C1orf21: variants seen among roughly 807,000 people sequenced by gnomAD.
C1orf21 encodes the protein uncharacterized protein C1orf21.
A neutral mutation model predicts 18.7 loss-of-function variants in C1orf21; 3 were observed. The observed-to-expected ratio is 0.16, with a 90% CI of 0.07 to 0.42. C1orf21 has a LOEUF of 0.42. Among genes scored for constraint, C1orf21 ranks in the 10% least tolerant of loss-of-function variants. C1orf21 has a pLI of 0.99. For missense variants in C1orf21, 104 were observed against 143.6 expected (o/e 0.72, Z 1.41); for synonymous variants, 41 against 46.4 (o/e 0.88, Z 0.47).
At chr1:184,439,493 T>A (rs943564144) in intron 1 of C1orf21, among the ~76,000 whole-genome samples, 2 of 150,808 alleles carry the variant, frequency 1.3e-5, no homozygotes, top group Non-Finnish European at 3.0e-5. Flanking sequence ...GGAGCCTTTT[T>A]AAATCTACAC....
At chr1:184,561,503 C>A (rs990281339) in intron 3 of C1orf21, among the ~76,000 whole-genome samples, 10 of 152,104 alleles carry the variant, frequency 6.6e-5, no homozygotes, top group Non-Finnish European at 1.5e-4. Flanking sequence ...GTGCCTTAGC[C>A]CCAGTACCTC....
At chr1:184,565,327 A>G (rs1659020709) in intron 3 of C1orf21, among the ~76,000 whole-genome samples, 1 of 152,238 alleles carries the variant, frequency 6.6e-6, no homozygotes, top group South Asian at 2.1e-4. Flanking sequence ...TGATATAATA[A>G]TAGTGTTTTA....
rs112066608 is a variant in C1orf21, at chr1:184,464,490, G to A, written c.-124-12896G>A. ...GTGCAGAAGAAAAAGACAGTCCCCT[G>A]CTCACCATTTTCAAGAGGATTTGTT... On this transcript the variant is annotated intron_variant, in intron 1 of 5. Coordinates refer to ENST00000235307, the MANE Select transcript of C1orf21 (RefSeq NM_030806.4). Among the ~76,000 whole-genome samples the A allele has an allele frequency of 1.1e-3, 167 of 152,334 alleles. 2 individuals carry two copies. Among genetic ancestry groups the A allele is most frequent in the African/African-American group, 4.0e-3 (165 of 41,574 alleles).
rs140488560 is a variant in C1orf21, at chr1:184,427,889, C to T, written c.-125+40521C>T. Among the ~76,000 whole-genome samples the T allele has an allele frequency of 1.4e-4, 21 of 152,258 alleles. No homozygotes were observed. In the South Asian group the frequency reaches 3.3e-3, roughly 24 times the overall value. ...ATCCTGACATTCTTACAGGTTTGAA[C>T]GACTCTTAAGTAAGGGCCTTATGAC... On this transcript the variant is annotated intron_variant, in intron 1 of 5. Transcript: ENST00000235307.
chr1:184,407,841 C>G (rs1228813880), intron 1 of C1orf21, among the ~76,000 whole-genome samples: 2 of 152,018 alleles, frequency 1.3e-5, no homozygotes, highest in Non-Finnish European at 2.9e-5. Context: ...GTAAAGAACC[C>G]TAAAATAAAA....
chr1:184,538,086 GTACA>G (rs1383466690), intron 3 of C1orf21, among the ~76,000 whole-genome samples: 2 of 151,168 alleles, frequency 1.3e-5, no homozygotes, highest in Non-Finnish European at 2.9e-5. Context: ...CACCAACAGT[GTACA>G]AGAATTCTAG....
intron 4 of C1orf21, among the ~76,000 whole-genome samples, chr1:184,597,719 C>T (rs1659535581): frequency 6.6e-6 from 1 of 152,186 alleles, no homozygotes; most frequent in Non-Finnish European, 1.5e-5. Flanking sequence ...TCCCTGCTGT[C>T]CTTACCATCT....
At chr1:184,458,176 G>C (rs1408482451) in intron 1 of C1orf21, among the ~76,000 whole-genome samples, 1 of 152,114 alleles carries the variant, frequency 6.6e-6, no homozygotes, top group African/African-American at 2.4e-5. Flanking sequence ...TGCTAAGTGT[G>C]GGGGATACGT....
At chr1:184,389,550 A>G (rs1655937788) in intron 1 of C1orf21, among the ~76,000 whole-genome samples, 1 of 152,182 alleles carries the variant, frequency 6.6e-6, no homozygotes, top group Non-Finnish European at 1.5e-5. Context: ...TTCTTGAAGA[A>G]TCACAGGGCA....
chr1:184,566,117 A>C (rs1185555578), intron 3 of C1orf21, among the ~76,000 whole-genome samples: 1 of 152,156 alleles, frequency 6.6e-6, no homozygotes, highest in African/African-American at 2.4e-5. Flanking sequence ...ATCCCCCAGC[A>C]AAGTAGGGAA....
At chr1:184,453,690 G>T (rs1341303412) in intron 1 of C1orf21, among the ~76,000 whole-genome samples, 1 of 151,958 alleles carries the variant, frequency 6.6e-6, no homozygotes, top group Non-Finnish European at 1.5e-5. Context: ...GTTTATAGCT[G>T]CTGTGTTTGA....
intron 1 of C1orf21, among the ~76,000 whole-genome samples, chr1:184,407,634 G>C (rs761903561): frequency 2.0e-5 from 3 of 152,032 alleles, no homozygotes; most frequent in Admixed American, 6.6e-5. Flanking sequence ...CATCACCTTG[G>C]ATTATTTTGG....
intron 1 of C1orf21, among the ~76,000 whole-genome samples, chr1:184,444,050 A>G (rs926069008): frequency 1.3e-5 from 2 of 152,130 alleles, no homozygotes; most frequent in African/African-American, 4.8e-5. Context: ...CTTTCATTTC[A>G]ATTTGTGTAA....
intron 1 of C1orf21, among the ~76,000 whole-genome samples, chr1:184,460,211 C>A (rs1395426309): frequency 6.6e-6 from 1 of 152,150 alleles, no homozygotes; most frequent in East Asian, 1.9e-4. Flanking sequence ...TTAGTGGGGG[C>A]AGGGAACAGC....
intron 2 of C1orf21, among the ~76,000 whole-genome samples, chr1:184,500,491 G>A (rs539599145): frequency 1.4e-4 from 21 of 152,184 alleles, no homozygotes; most frequent in African/African-American, 4.3e-4. Context: ...AGCTGAGGGC[G>A]CCTTTCATCT....
chr1:184,609,530 C>T (rs1444758248), intron 5 of C1orf21, among the ~76,000 whole-genome samples: 1 of 152,110 alleles, frequency 6.6e-6, no homozygotes, highest in African/African-American at 2.4e-5. Flanking sequence ...GGAAGTGAAT[C>T]CTGGGGGAGG....
intron 1 of C1orf21, among the ~76,000 whole-genome samples, chr1:184,440,749 A>G (rs1448978093): frequency 6.6e-6 from 1 of 152,174 alleles, no homozygotes; most frequent in Non-Finnish European, 1.5e-5. Flanking sequence ...TGTGAAATAT[A>G]TGTCACTTAA....
intron 3 of C1orf21, among the ~76,000 whole-genome samples, chr1:184,521,359 A>T (rs1401317958): frequency 2.0e-5 from 3 of 152,208 alleles, no homozygotes; most frequent in African/African-American, 4.8e-5. Flanking sequence ...ATTCATAATC[A>T]CCAAAAACTG....
At chr1:184,457,930 C>G (rs1657246128) in intron 1 of C1orf21, among the ~76,000 whole-genome samples, 2 of 152,172 alleles carry the variant, frequency 1.3e-5, no homozygotes, top group Non-Finnish European at 2.9e-5. Flanking sequence ...CTACTACGTG[C>G]TTGGCATCAT....
Sources: gnomAD v4.1 joint callset for allele counts (sites outside exome capture counted in the v4.1 genomes callset) on GRCh38, gnomAD v4.1.1 for gene constraint, MANE v1.5 for transcripts, NCBI Gene and HGNC (gene_info 2026-07-23, HGNC 2026-07-21) for gene names.